The following ZC3HC1 variants were observed in gnomAD, a reference collection of about 807,000 sequenced individuals.
ZC3HC1 encodes zinc finger C3HC-type containing 1.
In ZC3HC1, 38 loss-of-function variants were observed where a neutral mutation model predicts 61.9. The ratio of observed to expected loss-of-function variants is 0.61; its 90% CI spans 0.47 to 0.81. The LOEUF (loss-of-function observed/expected upper bound fraction) is 0.81, where lower values mean the gene tolerates loss of function less well. Ranked by LOEUF, ZC3HC1 falls within the 30% of genes least tolerant of loss-of-function variation. The pLI is 0.00. For synonymous variants in ZC3HC1, 213 were observed against 229.9 expected, an observed-to-expected ratio of 0.93 and a Z score of 0.67; for missense variants, 554 against 622.7, an observed-to-expected ratio of 0.89 and a Z score of 1.17.
At chr7:130,047,638 TACACACACACACACACACACACACAC>T (rs34052360) in intron 2 of ZC3HC1, among the ~76,000 whole-genome samples, 3 of 138,216 alleles carry the variant, frequency 2.2e-5, no homozygotes, top group Admixed American at 1.5e-4. Context: ...AGACTTTGTC[TACACACACACACACACACACACACAC>T]ACACACACAC....
chr7:130,029,463 C>T lies in ZC3HC1; in HGVS notation c.494-434G>A, dbSNP rs185476149. On this transcript the variant is annotated intron_variant, in intron 4 of 9. Coordinates refer to ENST00000358303, the MANE Select transcript of ZC3HC1 (RefSeq NM_016478.5). ...AAATTGATGAGCTATTTGATGGTGT[C>T]AGGAAATTATTGTTTTTCATTTTGA... 7.9e-5 allele frequency among the ~76,000 whole-genome samples: 12 copies of T among 152,174 alleles called. No individual in the cohort carries two copies. The East Asian group carries it at 2.1e-3, about 27-fold the overall frequency.
intron 2 of ZC3HC1, among the ~76,000 whole-genome samples, chr7:130,047,937 C>G (rs1794929860): frequency 6.6e-6 from 1 of 152,170 alleles, no homozygotes; most frequent in Non-Finnish European, 1.5e-5. Context: ...ATCTTGTTCT[C>G]TCCTTTGCTC....
Position 130,029,036 on chromosome 7 carries a change from A to G in ZC3HC1, c.494-7T>C. On this transcript the variant is annotated splice_polypyrimidine_tract_variant and splice_region_variant and intron_variant, in intron 4 of 9. Coordinates refer to ENST00000358303, the MANE Select transcript of ZC3HC1 (RefSeq NM_016478.5). ...GGCAACATCCCAAATCGGTCTGTGG[A>G]AAAAGTAAATTGGAAGATTATATTG... 1 of 1,610,198 alleles carries G rather than the reference A, an allele frequency of 6.2e-7. No homozygotes were observed. Among genetic ancestry groups the G allele is most frequent in the South Asian group, 1.1e-5 (1 of 90,860 alleles).
intron 5 of ZC3HC1, among the ~76,000 whole-genome samples, chr7:130,027,679 G>A (rs796840715): frequency 9.9e-5 from 15 of 151,978 alleles, no homozygotes; most frequent in African/African-American, 2.4e-4. Context: ...TACCATGTCC[G>A]GCTAATTTTT....
intron 1 of ZC3HC1, chr7:130,050,552 T>C: frequency 7.3e-7 from 1 of 1,370,658 alleles, no homozygotes; most frequent in Non-Finnish European, 9.6e-7. Context: ...TTTATTTCTC[T>C]CTAAATGACA....
rs1055547972 is a variant in ZC3HC1, at chr7:130,024,515, G to A, written c.777-9C>T. On this transcript the variant is annotated splice_polypyrimidine_tract_variant and intron_variant, in intron 6 of 9. Transcript: ENST00000358303. ...TGGATTCCAAAGAGGAACTAGATAGGAATGAAAAAGAGAGTTTTCTCAAAG... is the reference window on the plus strand; with the variant it reads ...TGGATTCCAAAGAGGAACTAGATAGAAATGAAAAAGAGAGTTTTCTCAAAG... 2.5e-6 allele frequency: 4 copies of A among 1,590,048 alleles called. No homozygotes were observed. Among genetic ancestry groups the A allele is most frequent in the Admixed American group, 3.6e-5 (2 of 55,486 alleles).
chr7:130,041,437 C>T (rs1296445556), intron 2 of ZC3HC1, among the ~76,000 whole-genome samples: 1 of 151,898 alleles, frequency 6.6e-6, no homozygotes, highest in East Asian at 1.9e-4. Flanking sequence ...GATCTGCCCA[C>T]CTTGGCCTCC....
Position 130,051,225 on chromosome 7 carries a change from C to G in ZC3HC1, c.142G>C (p.Asp48His). 3 of 1,606,904 alleles carry G rather than the reference C, an allele frequency of 1.9e-6. No homozygotes were observed. The highest frequency in any genetic ancestry group is 2.5e-6 in the Non-Finnish European group (3 of 1,177,148). The change falls in exon 1 of 10, where the codon GAC (aspartate) becomes CAC (histidine). Residue 48 changes from aspartate (D) to histidine (H), a missense_variant. Coordinates refer to ENST00000358303, the MANE Select transcript of ZC3HC1 (RefSeq NM_016478.5). ...AGGGTTAACTCGTGAACTCACGCGT[C>G]CACGCCTCCCTCTTCCGGGGCAATC... is the stretch of plus-strand genomic sequence containing the variant. ...EGIAPEEGGV[D>H]AKDTSATSQS...
intron 4 of ZC3HC1, chr7:130,037,028 A>G (rs1274466141): frequency 6.6e-6 from 1 of 152,246 alleles, no homozygotes; most frequent in Non-Finnish European, 1.5e-5. Flanking sequence ...CTCAAAAGAG[A>G]GGTCTGGATA....
At position 130,026,644 on chromosome 7, in the gene ZC3HC1, G is replaced by A. The variant is rs532608392; in HGVS notation, c.622-332C>T. On this transcript the variant is annotated intron_variant, in intron 5 of 9. Transcript: ENST00000358303. Reference sequence around the variant, plus strand: ...ACCCAAATAGTGAAGACAAATTACTGCTTATGTCTTAGCCTGACACTAAAT... The same window carrying A: ...ACCCAAATAGTGAAGACAAATTACTACTTATGTCTTAGCCTGACACTAAAT... 2.4e-4 allele frequency: 45 copies of A among 186,998 alleles called. 2 individuals are homozygous for A. The South Asian group carries it at 5.6e-3, about 23-fold the overall frequency. 11.6% of individuals were successfully genotyped at this position (186,998 alleles called of 1,614,324 possible).
intron 1 of ZC3HC1, 100 bp from the exon 2 acceptor site, chr7:130,049,244 G>A (rs1361036063): frequency 1.3e-6 from 1 of 780,794 alleles, no homozygotes; most frequent in Non-Finnish European, 1.9e-6. Context: ...TCACACCAAC[G>A]CTGGATTTTA....
Position 130,051,329 on chromosome 7 carries a change from C to A in ZC3HC1, c.38G>T (p.Gly13Val). Residue 13 changes from glycine to valine, a missense_variant, in exon 1 of 10, where the codon GGG becomes GTG. Physicochemically the swap from Gly to Val is moderately radical, Grantham distance 109. Coordinates refer to ENST00000358303, the MANE Select transcript of ZC3HC1 (RefSeq NM_016478.5). ...TACTGCACCCCAATTCTTTTCAACC[C>A]CTACGGCAAACGCTTGTCCCTCACA... ...APCEGQAFAV[G>V]VEKNWGAVVR... 1 of 1,613,360 alleles carries A rather than the reference C, an allele frequency of 6.2e-7. No homozygotes were observed. Among genetic ancestry groups the A allele is most frequent in the Non-Finnish European group, 8.5e-7 (1 of 1,179,634 alleles).
intron 6 of ZC3HC1, 59 bp from the exon 7 acceptor site, chr7:130,024,565 G>T: frequency 6.5e-7 from 1 of 1,546,254 alleles, no homozygotes; most frequent in Non-Finnish European, 8.7e-7. Flanking sequence ...ATGACTAAGT[G>T]CAATGTCTTG....
chr7:130,029,907 T>C (rs1310914533), intron 4 of ZC3HC1, among the ~76,000 whole-genome samples: 2 of 152,206 alleles, frequency 1.3e-5, no homozygotes, highest in Non-Finnish European at 1.5e-5. Flanking sequence ...AAGGCTTGCA[T>C]TGTAAGGTGA....
chr7:130,041,310 C>T (rs956287293), intron 2 of ZC3HC1, among the ~76,000 whole-genome samples: 1 of 151,976 alleles, frequency 6.6e-6, no homozygotes, highest in Non-Finnish European at 1.5e-5. Context: ...ACCTCAGCCT[C>T]CCAAGTTGCT....
In ZC3HC1 at chr7:130,024,522, A is replaced by G. The variant is rs1793802517; in HGVS notation, c.777-16T>C. On this transcript the variant is annotated splice_polypyrimidine_tract_variant and intron_variant, in intron 6 of 9. Transcript: ENST00000358303. Reference sequence around the variant, plus strand: ...CAAAGAGGAACTAGATAGGAATGAAAAAGAGAGTTTTCTCAAAGTGTAACA... The same window carrying G: ...CAAAGAGGAACTAGATAGGAATGAAGAAGAGAGTTTTCTCAAAGTGTAACA... 3 of 1,590,086 alleles carry G rather than the reference A, an allele frequency of 1.9e-6. No individual in the cohort carries two copies. The highest frequency in any genetic ancestry group is 2.6e-6 in the Non-Finnish European group (3 of 1,165,978).
chr7:130,021,903 G>A (rs1314397024), intron 9 of ZC3HC1, among the ~76,000 whole-genome samples: 1 of 152,138 alleles, frequency 6.6e-6, no homozygotes, highest in Non-Finnish European at 1.5e-5. Context: ...AGCCGGGCAC[G>A]GTGGCTCACG....
At position 130,049,077 on chromosome 7, in the gene ZC3HC1, A is replaced by C. The variant is rs1401537799; in HGVS notation, c.214T>G (p.Ser72Ala). The C allele has an allele frequency of 6.2e-7, 1 of 1,609,964 alleles. No individual in the cohort carries two copies. The highest frequency in any genetic ancestry group is 8.5e-7 in the Non-Finnish European group (1 of 1,178,262). The stretch of plus-strand genomic sequence containing the variant: ...CTAAAGAAGGCTTCTTTGCTTGTAG[A>C]TTCCAATGAAGGTTGTTCCGCTTGG... Reference protein sequence around the residue: ...SPQAEQPSLESTSKEAFFSRV... With the variant: ...SPQAEQPSLEATSKEAFFSRV... Residue 72 changes from serine to alanine, a missense_variant, in exon 2 of 10, where the codon TCT (serine) becomes GCT (alanine). Physicochemically the swap from Ser to Ala is moderately conservative, Grantham distance 99. Coordinates refer to ENST00000358303, the MANE Select transcript of ZC3HC1 (RefSeq NM_016478.5).
Position 130,030,611 on chromosome 7 carries a change from G to A in ZC3HC1, c.494-1582C>T, listed in dbSNP as rs80086771. Among the ~76,000 whole-genome samples, 1,071 of 152,068 alleles carry A rather than the reference G, an allele frequency of 7.0e-3. 12 individuals are homozygous for A. Among genetic ancestry groups the A allele is most frequent in the African/African-American group, 0.024 (1,012 of 41,512 alleles). On this transcript the variant is annotated intron_variant, in intron 4 of 9. Transcript: ENST00000358303. Reference sequence around the variant, plus strand: ...TCGTCTAAAAAGTAGGAAGCCACTCGAGTCACTGGTCTTCTCTCAGCCTCA... The same window carrying A: ...TCGTCTAAAAAGTAGGAAGCCACTCAAGTCACTGGTCTTCTCTCAGCCTCA...
Sources: allele counts gnomAD v4.1 joint callset (sites outside exome capture counted in the v4.1 genomes callset), GRCh38; gene constraint gnomAD v4.1.1; transcripts MANE v1.5; gene names NCBI Gene and HGNC (gene_info 2026-07-23, HGNC 2026-07-21).